Variants in CWH43 observed in about 807,000 individuals in gnomAD.
CWH43 encodes cell wall biogenesis 43 C-terminal homolog.
A neutral mutation model predicts 85.7 loss-of-function variants in CWH43; 91 were observed. That is an observed-to-expected ratio of 1.06 (90% CI 0.90 to 1.26). The LOEUF (loss-of-function observed/expected upper bound fraction) is 1.26, where lower values mean the gene tolerates loss of function less well. CWH43 is among the 50% of genes most tolerant of loss of function. The pLI is 0.00. For missense variants in CWH43, 869 were observed against 839.2 expected (o/e 1.04, Z -0.44); for synonymous variants, 323 against 293.6 (o/e 1.10, Z -1.02).
chr4:49,048,291 CACACTCTGTGTGTGTATATATATAT>C (rs1217459440), intron 14 of CWH43, among the ~76,000 whole-genome samples: 5 of 151,210 alleles, frequency 3.3e-5, no homozygotes, highest in African/African-American at 7.3e-5. Flanking sequence ...TATATATATA[CACACTCTGTGTGTGTATATATATAT>C]ACACTCTGTG....
At chr4:49,039,308 T>TAC (rs1784364776) in intron 13 of CWH43, among the ~76,000 whole-genome samples, 1 of 24,352 alleles carries the variant, frequency 4.1e-5, no homozygotes, top group Non-Finnish European at 1.2e-4. Flanking sequence ...AGGAGACTGA[T>TAC]ATATATATAT....
chr4:49,048,120 C>T (rs571973093), intron 14 of CWH43, among the ~76,000 whole-genome samples: 8 of 152,164 alleles, frequency 5.3e-5, no homozygotes, highest in African/African-American at 1.4e-4. Context: ...TTCTAGAAAA[C>T]GACTTTTCAT....
At chr4:49,050,572 T>G in intron 14 of CWH43, 122 bp from the exon 15 acceptor site, 5 of 638,286 alleles carry the variant, frequency 7.8e-6, no homozygotes, top group Non-Finnish European at 1.3e-5. Flanking sequence ...ATTCCAGTTG[T>G]GATATACAGA....
Position 49,050,849 on chromosome 4 carries a change from G to C in CWH43, c.2021G>C (p.Arg674Thr). Reference sequence around the variant, plus strand: ...TCTGAGAAAATTCATTTTAATCCCAGGTGAGTTCCTTTATGCTGTAGTTCC... The same window carrying C: ...TCTGAGAAAATTCATTTTAATCCCACGTGAGTTCCTTTATGCTGTAGTTCC... ...EVSEKIHFNP[R>T]FGSYKEGHNY... Residue 674 changes from arginine (R) to threonine (T), a missense_variant and splice_region_variant, in exon 15 of 16, where the codon AGA (arginine) becomes ACA (threonine). By Grantham distance (71) the Arg-to-Thr change is moderately conservative (BLOSUM62 -1). Transcript: ENST00000226432. 1 of 1,610,398 alleles carries C rather than the reference G, an allele frequency of 6.2e-7. No homozygotes were observed. The highest frequency in any genetic ancestry group is 8.5e-7 in the Non-Finnish European group (1 of 1,177,898).
At position 49,032,562 on chromosome 4, in the gene CWH43, A is replaced by G. The variant is rs760575145; in HGVS notation, c.1509-4A>G. On this transcript the variant is annotated splice_region_variant and splice_polypyrimidine_tract_variant and intron_variant, in intron 11 of 15. Transcript: ENST00000226432. ...TGCCCATGTCTCTTTTCATTCCAAT[A>G]CAGGATTATGGCTTTGTCAAGATAC... The G allele has an allele frequency of 4.3e-6, 7 of 1,613,780 alleles. No individual in the cohort carries two copies. The East Asian group carries it at 8.9e-5, about 21-fold the overall frequency.
intron 8 of CWH43, among the ~76,000 whole-genome samples, chr4:49,010,624 T>A (rs1039580128): frequency 4.6e-5 from 7 of 152,216 alleles, no homozygotes; most frequent in African/African-American, 1.4e-4. Context: ...GTTCTATAAA[T>A]TTCCCTCTAC....
chr4:49,057,120 A>G (rs1343439455), intron 15 of CWH43, among the ~76,000 whole-genome samples: 2 of 152,244 alleles, frequency 1.3e-5, no homozygotes, highest in Admixed American at 1.3e-4. Context: ...AATCTGAGAC[A>G]GTTCTCAGTC....
In CWH43 at chr4:49,003,918, T is replaced by C. The variant is rs1783074001; in HGVS notation, c.986T>C (p.Phe329Ser). 1.9e-6 allele frequency: 3 copies of C among 1,613,594 alleles called. No homozygotes were observed. In the African/African-American group the frequency reaches 4.0e-5, roughly 22 times the overall value. The change falls in exon 7 of 16, where the codon TTC (phenylalanine) becomes TCC (serine). Residue 329 changes from phenylalanine to serine, a missense_variant. Physicochemically the swap from Phe to Ser is radical, Grantham distance 155 (BLOSUM62 -2). Around this residue, in one of 3 missense-constraint regions of CWH43, gnomAD observed 577 missense variants for 513.1 expected, o/e 1.12. Coordinates refer to ENST00000226432, the MANE Select transcript of CWH43 (RefSeq NM_025087.3). ...AMIFYLLEIF[F>S]CAWCTAFKFV... The stretch of plus-strand genomic sequence containing the variant: ...ATATTTTATCTTCTAGAAATATTTT[T>C]CTGTGCCTGGTGCACAGCTTTTAAG...
intron 6 of CWH43, among the ~76,000 whole-genome samples, chr4:49,001,876 T>G (rs1783003360): frequency 6.6e-6 from 1 of 152,170 alleles, no homozygotes; most frequent in Non-Finnish European, 1.5e-5. Context: ...AAGCCGTAAG[T>G]AAGAAAAATT....
intron 6 of CWH43, among the ~76,000 whole-genome samples, chr4:49,000,449 T>C (rs1272531969): frequency 2.6e-5 from 4 of 152,168 alleles, no homozygotes; most frequent in Non-Finnish European, 5.9e-5. Flanking sequence ...CTAAGAGTAA[T>C]CTTTCTTCTC....
chr4:49,012,396 T>C (rs1396113108), intron 8 of CWH43, among the ~76,000 whole-genome samples: 1 of 152,208 alleles, frequency 6.6e-6, no homozygotes, highest in East Asian at 1.9e-4. Flanking sequence ...GGTTTTTGGC[T>C]TCCTTGCAAT....
chr4:48,986,706 C>G (rs1782506731), intron 1 of CWH43: 1 of 1,350,246 alleles, frequency 7.4e-7, no homozygotes, highest in Admixed American at 3.6e-5. Flanking sequence ...GAGACCCCGT[C>G]GCCCGAGTTC....
chr4:49,016,156 T>C (rs1430804515), intron 8 of CWH43, among the ~76,000 whole-genome samples: 1 of 152,252 alleles, frequency 6.6e-6, no homozygotes, highest in African/African-American at 2.4e-5. Context: ...GATGTACACA[T>C]GTCACACATG....
At chr4:49,007,677 C>T (rs561563095) in intron 8 of CWH43, among the ~76,000 whole-genome samples, 6 of 151,928 alleles carry the variant, frequency 3.9e-5, no homozygotes, top group South Asian at 4.2e-4. Flanking sequence ...GCCCTGTGTC[C>T]GTGTGTTCTC....
At chr4:49,041,402 T>G (rs906801229) in intron 13 of CWH43, among the ~76,000 whole-genome samples, 9 of 152,330 alleles carry the variant, frequency 5.9e-5, no homozygotes, top group African/African-American at 1.7e-4. Flanking sequence ...CATTTGTTTG[T>G]ATCCTCTTTT....
chr4:48,997,436 G>A (rs1293561335), intron 5 of CWH43, among the ~76,000 whole-genome samples: 5 of 152,102 alleles, frequency 3.3e-5, no homozygotes, highest in South Asian at 2.1e-4. Flanking sequence ...GAAAGGGATC[G>A]TTGTTCATTG....
Position 49,030,972 on chromosome 4 carries a change from T to C in CWH43, c.1508+12T>C. ...TATCACACTTGGGGGTGAGTATACC[T>C]TGGGAGTTAATCCCGAAGATAGTCA... is the stretch of plus-strand genomic sequence containing the variant. On this transcript the variant is annotated intron_variant, in intron 11 of 15. Transcript: ENST00000226432. 1 of 1,565,194 alleles carries C rather than the reference T, an allele frequency of 6.4e-7. No individual in the cohort carries two copies. The highest frequency in any genetic ancestry group is 8.6e-7 in the Non-Finnish European group (1 of 1,162,838).
rs1203041827 is a variant in CWH43, at chr4:48,986,806, CA to C, written c.43+335del. 7.6e-6 allele frequency: 9 copies of C among 1,182,930 alleles called. No homozygotes were observed. The African/African-American group carries it at 1.4e-4, about 19-fold the overall frequency. The allele number at this position is 1,182,930 out of a possible 1,614,324, so 73.3% of individuals were successfully genotyped here. On this transcript the variant is annotated intron_variant, in intron 1 of 15. Coordinates refer to ENST00000226432, the MANE Select transcript of CWH43 (RefSeq NM_025087.3). ...GGCCGGTACCGTCCCCAAAGCCCCC[CA>C]CCCGTGGCCTTTAAGTTTAACTTAA...
rs143640675 is a variant in CWH43 at position 49,062,050 on chromosome 4, T to A, written c.*160T>A. 2.5e-6 allele frequency: 1 copy of A among 392,402 alleles called. No individual in the cohort carries two copies. Among genetic ancestry groups the A allele is most frequent in the African/African-American group, 2.0e-5 (1 of 49,226 alleles). The allele number at this position is 392,402 out of a possible 1,614,324, so 24.3% of individuals were successfully genotyped here. ...TGGGAAATTACCTCCATTTGTAAAC[T>A]ATGTTGCTTAATAAAAACATTTCTC... On this transcript the variant is annotated 3_prime_UTR_variant, in exon 16 of 16. Transcript: ENST00000226432.
Sources: allele counts gnomAD v4.1 joint callset (sites outside exome capture counted in the v4.1 genomes callset), GRCh38; gene constraint gnomAD v4.1.1; regional missense constraint gnomAD v4.1.1; transcripts MANE v1.5; gene names NCBI Gene and HGNC (gene_info 2026-07-23, HGNC 2026-07-21).